Variants in TMEM266 observed in about 807,000 individuals in gnomAD.
TMEM266 encodes transmembrane protein 266, also known as Hv1 related protein 1.
A neutral mutation model predicts 50.5 loss-of-function variants in TMEM266; 33 were observed. The observed-to-expected ratio is 0.65, with a 90% confidence interval of 0.50 to 0.87. The LOEUF (loss-of-function observed/expected upper bound fraction) is 0.87, where lower values mean the gene tolerates loss of function less well. Ranked by LOEUF, TMEM266 falls within the 40% of genes least tolerant of loss-of-function variation. The probability of loss-of-function intolerance (pLI) is 0.00; values close to 1 mark genes in which losing one functional copy is unlikely to be tolerated. For missense variants in TMEM266, 655 were observed against 695.1 expected (o/e 0.94, Z 0.65); for synonymous variants, 310 against 292.3 (o/e 1.06, Z -0.62).
chr15:76,191,021 A>T (rs2038559940), intron 8 of TMEM266, among the ~76,000 whole-genome samples: 1 of 152,240 alleles, frequency 6.6e-6, no homozygotes, highest in South Asian at 2.1e-4. Flanking sequence ...CAGATGTCCC[A>T]TGAAGGCCTT....
At chr15:76,090,491 C>CAAA (rs34778511) in intron 1 of TMEM266, among the ~76,000 whole-genome samples, 94 of 74,280 alleles carry the variant, frequency 1.3e-3, no homozygotes, top group South Asian at 2.4e-3. Flanking sequence ...GACTCTGTCT[C>CAAA]AAAAAAAAAA....
intron 1 of TMEM266, among the ~76,000 whole-genome samples, chr15:76,099,811 G>C (rs1050539499): frequency 2.6e-5 from 4 of 152,158 alleles, no homozygotes; most frequent in African/African-American, 9.7e-5. Flanking sequence ...ATAAAGAAAA[G>C]AGGTTTAATT....
chr15:76,101,237 C>T lies in TMEM266; in HGVS notation c.-96-32931C>T, dbSNP rs531963215. Among the ~76,000 whole-genome samples, 4 of 152,290 alleles carry T rather than the reference C, an allele frequency of 2.6e-5. No individual in the cohort carries two copies. In the South Asian group the frequency reaches 8.3e-4, roughly 32 times the overall value. The stretch of plus-strand genomic sequence containing the variant: ...GAGGGATGTCAAGTAGCTGAAGTAC[C>T]TGGTGCAAAAGAGCTTCAGAGTTGC... On this transcript the variant is annotated intron_variant, in intron 1 of 10. Coordinates refer to ENST00000388942, the MANE Select transcript of TMEM266 (RefSeq NM_152335.3).
At chr15:76,061,815 C>G (rs1255993846) in intron 1 of TMEM266, among the ~76,000 whole-genome samples, 1 of 152,232 alleles carries the variant, frequency 6.6e-6, no homozygotes, top group Non-Finnish European at 1.5e-5. Flanking sequence ...GCATCCCACC[C>G]TACCCTCCTT....
At chr15:76,183,879 CTGTCT>C (rs1478747253) in intron 8 of TMEM266, among the ~76,000 whole-genome samples, 8 of 152,216 alleles carry the variant, frequency 5.3e-5, no homozygotes, top group Non-Finnish European at 1.2e-4. Context: ...ATCCCCTTCG[CTGTCT>C]TTCACGTGGA....
At chr15:76,172,036 G>A (rs2142061438) in intron 7 of TMEM266, among the ~76,000 whole-genome samples, 1 of 152,306 alleles carries the variant, frequency 6.6e-6, no homozygotes, top group African/African-American at 2.4e-5. Context: ...CCTGAGGACA[G>A]GACGAAGAGG....
intron 1 of TMEM266, among the ~76,000 whole-genome samples, chr15:76,115,873 A>G (rs937596911): frequency 1.2e-4 from 18 of 152,102 alleles, no homozygotes; most frequent in African/African-American, 3.9e-4. Flanking sequence ...AACCAGATGA[A>G]GCTGTGTGCC....
At chr15:76,104,377 A>G (rs1410302175) in intron 1 of TMEM266, among the ~76,000 whole-genome samples, 2 of 152,230 alleles carry the variant, frequency 1.3e-5, no homozygotes, top group Non-Finnish European at 2.9e-5. Context: ...TTTCAAGTGC[A>G]CCATAGCCAC....
chr15:76,107,260 T>C (rs966532591), intron 1 of TMEM266, among the ~76,000 whole-genome samples: 2 of 152,072 alleles, frequency 1.3e-5, no homozygotes, highest in African/African-American at 4.8e-5. Flanking sequence ...TCATACGAGG[T>C]TTTCAGTTTC....
At chr15:76,099,697 C>T (rs1182995092) in intron 1 of TMEM266, among the ~76,000 whole-genome samples, 2 of 152,152 alleles carry the variant, frequency 1.3e-5, no homozygotes, top group Non-Finnish European at 2.9e-5. Context: ...TGCTGTCCTG[C>T]CTTCATGGGA....
chr15:76,113,202 T>A (rs1334639743), intron 1 of TMEM266: 1 of 152,234 alleles, frequency 6.6e-6, no homozygotes, highest in Non-Finnish European at 1.5e-5. Context: ...TAGTCCCAGC[T>A]ACTTGGGAGG....
chr15:76,177,077 T>TC (rs1460431682), intron 8 of TMEM266, among the ~76,000 whole-genome samples: 5 of 151,400 alleles, frequency 3.3e-5, no homozygotes, highest in South Asian at 2.1e-4. Context: ...CAGAGCATGT[T>TC]CCCCCCGCCA....
Position 76,160,856 on chromosome 15 carries a change from G to A in TMEM266, c.456+688G>A, listed in dbSNP as rs575147214. Among the ~76,000 whole-genome samples the A allele has an allele frequency of 6.0e-4, 91 of 152,326 alleles. No individual in the cohort carries two copies. The highest frequency in any genetic ancestry group is 2.1e-3 in the African/African-American group (86 of 41,572). On this transcript the variant is annotated intron_variant, in intron 5 of 10. Transcript: ENST00000388942. The surrounding 1 kb of genome is among the most constrained non-coding windows in gnomAD (Gnocchi z 5.7). ...AGTTTATGGAGATCCGCAGGCCCCC[G>A]GGCTTGGTGCAGAAGCTGGCATGTC...
chr15:76,127,673 A>G (rs2037444403), intron 1 of TMEM266, among the ~76,000 whole-genome samples: 1 of 152,128 alleles, frequency 6.6e-6, no homozygotes, highest in South Asian at 2.1e-4. Context: ...GTTGTTTGCA[A>G]ACAAAAGTAT....
intron 1 of TMEM266, among the ~76,000 whole-genome samples, chr15:76,092,804 C>CT (rs35632529): frequency 0.013 from 1,505 of 118,628 alleles, 61 homozygotes; most frequent in South Asian, 0.016. Flanking sequence ...GAGTTAGGTG[C>CT]TTTTTTTTTT....
Position 76,203,914 on chromosome 15 carries a change from A to G in TMEM266, c.1195A>G (p.Ser399Gly). Residue 399 changes from serine to glycine, a missense_variant, in exon 11 of 11, where the codon AGT (serine) becomes GGT (glycine). Ser to Gly is a moderately conservative substitution (Grantham distance 56). Transcript: ENST00000388942. ...CCGCAGCTCAGTCACCCGGGCCCAG[A>G]GTGACAGCAGCCAGACGCTGGGCTC... ...AQSDSSQTLG[S>G]SMDCSTAREE... 6.2e-7 allele frequency: 1 copy of G among 1,614,110 alleles called. No homozygotes were observed. Among genetic ancestry groups the G allele is most frequent in the Non-Finnish European group, 8.5e-7 (1 of 1,180,018 alleles).
At chr15:76,203,704 G>C (rs369769065) in intron 10 of TMEM266, 37 bp from the exon 11 acceptor site, 42 of 1,582,958 alleles carry the variant, frequency 2.7e-5, no homozygotes, top group Non-Finnish European at 3.5e-5. Context: ...GTGTGGCAGA[G>C]GTTGAAGTGT....
chr15:76,125,365 G>A (rs1385190622), intron 1 of TMEM266, among the ~76,000 whole-genome samples: 1 of 152,062 alleles, frequency 6.6e-6, no homozygotes, highest in Non-Finnish European at 1.5e-5. Context: ...ATGGGAGGAA[G>A]TATGTTTTAG....
At chr15:76,097,029 C>A (rs575172923) in intron 1 of TMEM266, among the ~76,000 whole-genome samples, 1 of 151,348 alleles carries the variant, frequency 6.6e-6, no homozygotes, top group South Asian at 2.1e-4. Context: ...GATGGGTCTC[C>A]TGAATACAGC....
Sources: gnomAD v4.1 joint callset for allele counts (sites outside exome capture counted in the v4.1 genomes callset) on GRCh38, gnomAD v4.1.1 for gene constraint, Gnocchi (gnomAD v3.1) non-coding constraint, MANE v1.5 for transcripts, NCBI Gene and HGNC (gene_info 2026-07-23, HGNC 2026-07-21) for gene names.